MED27: variants seen among roughly 807,000 people sequenced by gnomAD.
The protein encoded by MED27 is mediator complex subunit 27.
A neutral mutation model predicts 38.2 loss-of-function variants in MED27; 30 were observed. That is an observed-to-expected ratio of 0.79 (90% confidence interval 0.59 to 1.07). The LOEUF (loss-of-function observed/expected upper bound fraction) is 1.07, where lower values mean the gene tolerates loss of function less well. MED27 is among the 50% of genes least tolerant of loss of function. The probability of loss-of-function intolerance (pLI) is 0.00; values close to 1 mark genes in which losing one functional copy is unlikely to be tolerated. For missense variants in MED27, 289 were observed against 397.5 expected, an observed-to-expected ratio of 0.73 and a Z score of 2.32; for synonymous variants, 122 against 153.5, an observed-to-expected ratio of 0.79 and a Z score of 1.52.
chr9:132,024,595 C>A (rs1244376137), intron 2 of MED27, among the ~76,000 whole-genome samples: 1 of 152,138 alleles, frequency 6.6e-6, no homozygotes, highest in Non-Finnish European at 1.5e-5. Context: ...GAAAAATGTA[C>A]CCACTAGGTC....
intron 3 of MED27, among the ~76,000 whole-genome samples, chr9:132,006,606 T>C (rs1832361959): frequency 6.6e-6 from 1 of 151,314 alleles, no homozygotes; most frequent in African/African-American, 2.4e-5. Flanking sequence ...GTTTTTGTAA[T>C]CGAACTGCAG....
intron 3 of MED27, among the ~76,000 whole-genome samples, chr9:131,986,738 C>T (rs907906950): frequency 1.3e-5 from 2 of 152,126 alleles, no homozygotes; most frequent in Non-Finnish European, 2.9e-5. Flanking sequence ...ACTGTATTTA[C>T]CTTCTGAAAT....
intron 2 of MED27, among the ~76,000 whole-genome samples, chr9:132,016,719 T>G (rs1372764256): frequency 1.3e-5 from 2 of 152,162 alleles, no homozygotes; most frequent in Non-Finnish European, 2.9e-5. Context: ...TCCTTTGTAT[T>G]TACTAGGGTC....
intron 6 of MED27, among the ~76,000 whole-genome samples, chr9:131,877,055 A>G (rs1050566553): frequency 2.0e-5 from 3 of 152,082 alleles, no homozygotes; most frequent in African/African-American, 2.4e-5. Context: ...AAGGGCCTTC[A>G]ACGACTCTGG....
chr9:131,863,745 G>C (rs1043444187), intron 6 of MED27, among the ~76,000 whole-genome samples: 1 of 152,232 alleles, frequency 6.6e-6, no homozygotes, highest in East Asian at 1.9e-4. Context: ...ATGGCCCTTC[G>C]CAGGAGCCCG....
intron 4 of MED27, among the ~76,000 whole-genome samples, chr9:131,928,061 C>G (rs1298802960): frequency 1.3e-5 from 2 of 152,184 alleles, no homozygotes; most frequent in African/African-American, 4.8e-5. Flanking sequence ...ATACCAAAAG[C>G]AGATGAGATT....
intron 3 of MED27, among the ~76,000 whole-genome samples, chr9:131,991,000 A>G (rs1399160587): frequency 6.6e-6 from 1 of 152,240 alleles, no homozygotes; most frequent in African/African-American, 2.4e-5. Context: ...GCTGAAAGAC[A>G]GGACTAGCTA....
chr9:131,969,018 T>A (rs567196777), intron 3 of MED27, among the ~76,000 whole-genome samples: 9 of 152,304 alleles, frequency 5.9e-5, no homozygotes, highest in African/African-American at 2.2e-4. Flanking sequence ...TGGGACTGTC[T>A]AGTTGCAGGA....
Position 132,038,443 on chromosome 9 carries a change from C to T in MED27, c.349-23976G>A, listed in dbSNP as rs193070150. Among the ~76,000 whole-genome samples, 12 of 152,166 alleles carry T rather than the reference C, an allele frequency of 7.9e-5. No homozygotes were observed. In the East Asian group the frequency reaches 1.5e-3, roughly 20 times the overall value. On this transcript the variant is annotated intron_variant, in intron 2 of 7. Coordinates refer to ENST00000292035, the MANE Select transcript of MED27 (RefSeq NM_004269.4). ...TCCTGACCTCGTGATCCGCCCGCCTCGGCCTCCCAAAGTGCTGGGATTACA... is the reference window on the plus strand; with the variant it reads ...TCCTGACCTCGTGATCCGCCCGCCTTGGCCTCCCAAAGTGCTGGGATTACA...
intron 4 of MED27, among the ~76,000 whole-genome samples, chr9:131,928,858 G>A (rs1358523094): frequency 6.6e-6 from 1 of 152,244 alleles, no homozygotes; most frequent in Admixed American, 6.5e-5. Flanking sequence ...GTGGACTAGG[G>A]CGGCATGTGA....
At chr9:131,870,396 C>T (rs904667777) in intron 6 of MED27, among the ~76,000 whole-genome samples, 5 of 152,212 alleles carry the variant, frequency 3.3e-5, no homozygotes, top group Non-Finnish European at 7.3e-5. Context: ...GCATGGCAAG[C>T]GCCCGCCAAA....
At chr9:131,879,880 G>A (rs1396270003) in intron 6 of MED27, among the ~76,000 whole-genome samples, 1 of 152,218 alleles carries the variant, frequency 6.6e-6, no homozygotes, top group African/African-American at 2.4e-5. Flanking sequence ...ATAGAATCTT[G>A]AGGAATAGCA....
chr9:131,904,304 G>T (rs1211016676), intron 4 of MED27, among the ~76,000 whole-genome samples: 1 of 152,166 alleles, frequency 6.6e-6, no homozygotes, highest in Non-Finnish European at 1.5e-5. Context: ...CTTCCAAAGT[G>T]CTGGGATTAC....
intron 3 of MED27, among the ~76,000 whole-genome samples, chr9:132,010,636 T>C (rs1052309498): frequency 5.9e-5 from 9 of 152,204 alleles, no homozygotes; most frequent in African/African-American, 1.9e-4. Context: ...CCAACCTAAA[T>C]GTCCATCAAT....
At chr9:132,021,337 A>T (rs191377488) in intron 2 of MED27, among the ~76,000 whole-genome samples, 2 of 152,356 alleles carry the variant, frequency 1.3e-5, no homozygotes, top group Admixed American at 1.3e-4. Flanking sequence ...CAATAGAAGG[A>T]GAATGACTCA....
chr9:131,963,632 T>G (rs558697889), intron 3 of MED27, among the ~76,000 whole-genome samples: 2 of 152,302 alleles, frequency 1.3e-5, no homozygotes, highest in Non-Finnish European at 2.9e-5. Flanking sequence ...TACGCTTAAT[T>G]TTTTCTATTT....
At chr9:131,900,739 G>A (rs992206540) in intron 4 of MED27, among the ~76,000 whole-genome samples, 6 of 152,086 alleles carry the variant, frequency 3.9e-5, no homozygotes, top group Non-Finnish European at 8.8e-5. Flanking sequence ...GCATGTCTAA[G>A]CCCTGCTTTG....
intron 6 of MED27, among the ~76,000 whole-genome samples, chr9:131,867,689 T>C (rs1258465929): frequency 6.6e-6 from 1 of 152,260 alleles, no homozygotes; most frequent in Non-Finnish European, 1.5e-5. Flanking sequence ...TGGGCCCCTC[T>C]CTAGCCACAG....
intron 6 of MED27, among the ~76,000 whole-genome samples, chr9:131,875,705 C>G (rs1196800070): frequency 2.4e-4 from 37 of 152,234 alleles, no homozygotes; most frequent in Non-Finnish European, 1.2e-4. Flanking sequence ...CCTTAACCTC[C>G]CACACCCAAA....
Sources: allele counts gnomAD v4.1 joint callset (sites outside exome capture counted in the v4.1 genomes callset), GRCh38; gene constraint gnomAD v4.1.1; transcripts MANE v1.5; gene names NCBI Gene and HGNC (gene_info 2026-07-23, HGNC 2026-07-21).